The following RIN2 variants were observed in gnomAD, a reference collection of about 807,000 sequenced individuals.
RIN2 encodes RAB5 interacting protein 2.
RIN2 carries 36 observed loss-of-function variants against 78.0 expected under a neutral mutation model. The observed-to-expected ratio is 0.46, with a 90% confidence interval of 0.35 to 0.61. The LOEUF (loss-of-function observed/expected upper bound fraction) is 0.61, where lower values mean the gene tolerates loss of function less well. Among genes scored for constraint, RIN2 ranks in the 20% least tolerant of loss-of-function variants. The pLI is 0.00. For missense variants in RIN2, 1,087 were observed against 1,159.7 expected (o/e 0.94, Z 0.91); for synonymous variants, 466 against 466.8 (o/e 1.00, Z 0.02).
chr20:19,800,304 T>A (rs2035199986), intron 2 of RIN2, among the ~76,000 whole-genome samples: 1 of 152,200 alleles, frequency 6.6e-6, no homozygotes, highest in South Asian at 2.1e-4. Flanking sequence ...GATTTCAGTA[T>A]AGGCCACTAT....
At chr20:19,924,390 C>T (rs541976369) in intron 3 of RIN2, among the ~76,000 whole-genome samples, 1 of 60,186 alleles carries the variant, frequency 1.7e-5, no homozygotes, top group East Asian at 8.2e-4. Flanking sequence ...CTTCGTACCC[C>T]ACCTCTTCAT....
rs1470822519 is a variant in RIN2 at position 19,925,669 on chromosome 20, GC to G, written c.58-9429del. ...AATAAACGATAAAAATATAATCAGG[GC>G]AAAGCAAATGAAAACAAAAATTATT... On this transcript the variant is annotated intron_variant, in intron 3 of 12. Transcript: ENST00000255006. Among the ~76,000 whole-genome samples the G allele has an allele frequency of 2.6e-5, 4 of 152,178 alleles. No individual in the cohort carries two copies. In the East Asian group the frequency reaches 7.7e-4, roughly 29 times the overall value.
intron 1 of RIN2, among the ~76,000 whole-genome samples, chr20:19,775,396 G>T (rs955111242): frequency 6.6e-6 from 1 of 152,152 alleles, no homozygotes; most frequent in South Asian, 2.1e-4. Flanking sequence ...CATTGAAGTC[G>T]GTATTTTGGA....
chr20:19,935,731 C>A, intron 4 of RIN2: 1 of 509,010 alleles, frequency 2.0e-6, no homozygotes, highest in East Asian at 1.5e-4. Context: ...CTGTTGAAGG[C>A]GATACCTGTG....
chr20:19,803,247 A>C (rs531334450), intron 2 of RIN2, among the ~76,000 whole-genome samples: 1 of 152,362 alleles, frequency 6.6e-6, no homozygotes, highest in East Asian at 1.9e-4. Context: ...AATAAGGATA[A>C]GCAAGTCTTG....
At chr20:19,918,987 A>G (rs559069844) in intron 3 of RIN2, among the ~76,000 whole-genome samples, 8 of 152,314 alleles carry the variant, frequency 5.3e-5, no homozygotes, top group East Asian at 3.9e-4. Flanking sequence ...CTACTCTCCA[A>G]TGGAGTTTCT....
At chr20:19,829,799 G>A (rs1368641638) in intron 2 of RIN2, among the ~76,000 whole-genome samples, 1 of 152,150 alleles carries the variant, frequency 6.6e-6, no homozygotes, top group Non-Finnish European at 1.5e-5. Context: ...GCTGAATTGG[G>A]AGACCCCCTC....
intron 2 of RIN2, among the ~76,000 whole-genome samples, chr20:19,882,768 C>A (rs903804720): frequency 1.3e-5 from 2 of 151,912 alleles, no homozygotes; most frequent in Non-Finnish European, 2.9e-5. Flanking sequence ...TTTCAAACTG[C>A]ACTAGTCCAT....
chr20:19,809,823 A>C (rs1458407337), intron 2 of RIN2: 1 of 152,246 alleles, frequency 6.6e-6, no homozygotes, highest in Non-Finnish European at 1.5e-5. Context: ...TACATGAACC[A>C]CATGTCACAA....
intron 4 of RIN2, among the ~76,000 whole-genome samples, chr20:19,945,162 C>T (rs1369631781): frequency 2.6e-5 from 4 of 152,174 alleles, no homozygotes; most frequent in Admixed American, 2.6e-4. Context: ...GTGCAGGCCT[C>T]ACAGTGATGA....
intron 3 of RIN2, among the ~76,000 whole-genome samples, chr20:19,911,423 T>G (rs1475693423): frequency 1.3e-5 from 2 of 152,228 alleles, no homozygotes; most frequent in Non-Finnish European, 1.5e-5. Context: ...GTCTGTTTTC[T>G]GAACCATCTG....
intron 3 of RIN2, among the ~76,000 whole-genome samples, chr20:19,893,394 T>C (rs113964823): frequency 1.4e-3 from 207 of 152,340 alleles, no homozygotes; most frequent in Non-Finnish European, 2.5e-3. Flanking sequence ...CTATTAGTGC[T>C]CACGTGACTT....
chr20:19,804,538 G>C (rs1053923117), intron 2 of RIN2, among the ~76,000 whole-genome samples: 5 of 152,216 alleles, frequency 3.3e-5, no homozygotes, highest in Admixed American at 3.3e-4. Context: ...TTGCATCCCA[G>C]GGTTGAAGCT....
chr20:19,959,051 A>ATCC (rs2041649907), intron 5 of RIN2, among the ~76,000 whole-genome samples: 1 of 152,224 alleles, frequency 6.6e-6, no homozygotes, highest in Non-Finnish European at 1.5e-5. Context: ...TAAAGGGCAA[A>ATCC]GTAAACTATT....
chr20:19,854,337 G>C (rs1307260931), intron 2 of RIN2, among the ~76,000 whole-genome samples: 1 of 152,046 alleles, frequency 6.6e-6, no homozygotes. Context: ...TTGTTCTTTT[G>C]GCTTAGGATT....
chr20:19,990,222 C>T lies in RIN2; in HGVS notation c.1979C>T (p.Thr660Ile). ...DVEKIKVKFM[T>I]MQKMYSPEKK... ...GAGAAAATCAAAGTCAAGTTCATGA[C>T]CATGCAGAAGATGTATTCGCCGGAA... Residue 660 changes from threonine to isoleucine, a missense_variant, in exon 10 of 13, where the codon ACC becomes ATC. Around this residue, in one of 8 missense-constraint regions of RIN2, gnomAD observed 97 missense variants for 104.8 expected, o/e 0.93. Transcript: ENST00000255006. 6.2e-7 allele frequency: 1 copy of T among 1,612,786 alleles called. No homozygotes were observed. Among genetic ancestry groups the T allele is most frequent in the East Asian group, 2.2e-5 (1 of 44,860 alleles).
intron 2 of RIN2, among the ~76,000 whole-genome samples, chr20:19,822,747 T>C (rs1354681970): frequency 6.6e-6 from 1 of 152,238 alleles, no homozygotes; most frequent in African/African-American, 2.4e-5. Flanking sequence ...TAATTATTTA[T>C]GGTCACTTTT....
At chr20:19,767,557 T>C (rs1362250899) in intron 1 of RIN2, among the ~76,000 whole-genome samples, 1 of 152,000 alleles carries the variant, frequency 6.6e-6, no homozygotes, top group Non-Finnish European at 1.5e-5. Flanking sequence ...GAGAATGACT[T>C]TTGCTTCTGA....
At chr20:19,928,059 T>C (rs1375681711) in intron 3 of RIN2, among the ~76,000 whole-genome samples, 1 of 152,140 alleles carries the variant, frequency 6.6e-6, no homozygotes, top group Non-Finnish European at 1.5e-5. Flanking sequence ...CACACCACCA[T>C]GCCCGGCTAA....
Sources: gnomAD v4.1 joint callset for allele counts (sites outside exome capture counted in the v4.1 genomes callset) on GRCh38, gnomAD v4.1.1 for gene constraint, gnomAD v4.1.1 regional missense constraint, MANE v1.5 for transcripts, NCBI Gene and HGNC (gene_info 2026-07-23, HGNC 2026-07-21) for gene names.